The following KCNH5 variants were observed in gnomAD, a reference collection of about 807,000 sequenced individuals.
KCNH5 encodes voltage-gated delayed rectifier potassium channel KCNH5.
A neutral mutation model predicts 96.1 loss-of-function variants in KCNH5; 46 were observed. That is an observed-to-expected ratio of 0.48 (90% CI 0.38 to 0.61). The LOEUF is 0.61. KCNH5 is among the 20% of genes least tolerant of loss of function. The pLI is 0.00. For synonymous variants in KCNH5, 439 were observed against 449.8 expected (o/e 0.98, Z 0.30); for missense variants, 907 against 1,225.8 (o/e 0.74, Z 3.88).
Position 63,016,932 on chromosome 14 carries a change from A to G in KCNH5, c.96T>C (p.Asn32=), listed in dbSNP as rs746489794. Reference sequence around the variant, plus strand: ...CTACAGGCCAATCCACAATCTGGGCATTTCCCAGTAAGAAACTTGATTCTG... The same window carrying G: ...CTACAGGCCAATCCACAATCTGGGCGTTTCCCAGTAAGAAACTTGATTCTG... ...RSSESSFLLG[N]AQIVDWPVVY... is the part of the protein sequence containing the mutation. The change falls in exon 2 of 11, where the codon AAT becomes AAC. Residue 32 remains asparagine, a synonymous_variant. Transcript: ENST00000322893. 1 of 1,606,166 alleles carries G rather than the reference A, an allele frequency of 6.2e-7. No individual in the cohort carries two copies. The highest frequency in any genetic ancestry group is 1.7e-5 in the Admixed American group (1 of 58,974).
At position 62,796,854 on chromosome 14, in the gene KCNH5, G is replaced by A. The variant is rs531053873; in HGVS notation, c.1822+5475C>T. On this transcript the variant is annotated intron_variant, in intron 9 of 10. Coordinates refer to ENST00000322893, the MANE Select transcript of KCNH5 (RefSeq NM_139318.5). ...GGTGGGACAACTTGAAGCAAAGGCA[G>A]GAAGACTGGAAGCAGAGAGGGAGCT... 1.3e-4 allele frequency among the ~76,000 whole-genome samples: 20 copies of A among 152,304 alleles called. No individual in the cohort carries two copies. In the South Asian group the frequency reaches 4.1e-3, roughly 32 times the overall value.
intron 7 of KCNH5, among the ~76,000 whole-genome samples, chr14:62,893,104 T>C (rs908379442): frequency 6.6e-6 from 1 of 152,122 alleles, no homozygotes; most frequent in African/African-American, 2.4e-5. Context: ...GCAAAGAAAA[T>C]TGAAAACCTT....
Position 62,703,308 on chromosome 14 carries a change from C to T in KCNH5, c.*4200G>A, listed in dbSNP as rs963489912. The T allele has an allele frequency of 3.9e-5, 6 of 151,902 alleles. No individual in the cohort carries two copies. The highest frequency in any genetic ancestry group is 3.3e-4 in the Admixed American group (5 of 15,254). 9.4% of individuals were successfully genotyped at this position (151,902 alleles called of 1,614,324 possible). On this transcript the variant is annotated 3_prime_UTR_variant, in exon 11 of 11. Transcript: ENST00000322893. The stretch of plus-strand genomic sequence containing the variant: ...AATATTTAGATAAAAATCACATCAC[C>T]GTCAATCCCTGAAATCTCTTCTAAA...
At chr14:62,877,703 T>C (rs1320188277) in intron 7 of KCNH5, among the ~76,000 whole-genome samples, 7 of 151,632 alleles carry the variant, frequency 4.6e-5, no homozygotes, top group Admixed American at 4.6e-4. Context: ...CAACAGGTGC[T>C]GGAGAGGATG....
intron 7 of KCNH5, among the ~76,000 whole-genome samples, chr14:62,873,983 G>C (rs887403776): frequency 6.6e-6 from 1 of 152,064 alleles, no homozygotes; most frequent in Admixed American, 6.6e-5. Context: ...TAACTCTTAA[G>C]CATGCAGGAG....
intron 8 of KCNH5, among the ~76,000 whole-genome samples, chr14:62,812,985 G>A (rs1886903068): frequency 6.6e-6 from 1 of 151,940 alleles, no homozygotes; most frequent in South Asian, 2.1e-4. Flanking sequence ...CATTATAATT[G>A]GATATCAAGA....
intron 7 of KCNH5, among the ~76,000 whole-genome samples, chr14:62,894,618 T>C (rs1241692833): frequency 6.6e-6 from 1 of 152,224 alleles, no homozygotes; most frequent in Non-Finnish European, 1.5e-5. Flanking sequence ...CTGAGGTCAG[T>C]TGTCAATAAT....
chr14:62,838,971 G>T (rs1419687253), intron 8 of KCNH5, among the ~76,000 whole-genome samples: 1 of 151,736 alleles, frequency 6.6e-6, no homozygotes, highest in African/African-American at 2.4e-5. Context: ...TACTTTAGAA[G>T]AAATAAGCTA....
At chr14:62,953,588 A>G (rs1890046953) in intron 6 of KCNH5, among the ~76,000 whole-genome samples, 2 of 152,174 alleles carry the variant, frequency 1.3e-5, no homozygotes, top group South Asian at 4.1e-4. Context: ...TGACATCATT[A>G]TCCACCCAGT....
intron 8 of KCNH5, among the ~76,000 whole-genome samples, chr14:62,819,486 A>G (rs567108900): frequency 6.6e-6 from 1 of 152,288 alleles, no homozygotes; most frequent in East Asian, 1.9e-4. Flanking sequence ...GTAACTGCTT[A>G]TGGGAATGGG....
chr14:62,814,879 T>C (rs1238496581), intron 8 of KCNH5, among the ~76,000 whole-genome samples: 2 of 149,278 alleles, frequency 1.3e-5, no homozygotes, highest in African/African-American at 4.9e-5. Context: ...ATTGTAACAG[T>C]TGAACATGCA....
chr14:62,754,819 G>A (rs1885583821), intron 10 of KCNH5, among the ~76,000 whole-genome samples: 1 of 151,890 alleles, frequency 6.6e-6, no homozygotes, highest in African/African-American at 2.4e-5. Context: ...AGGTTGCAGT[G>A]AGCTGAAATT....
At chr14:62,768,825 T>C (rs757246227) in intron 10 of KCNH5, among the ~76,000 whole-genome samples, 5 of 152,202 alleles carry the variant, frequency 3.3e-5, no homozygotes, top group South Asian at 2.1e-4. Flanking sequence ...ACTTTGAAAC[T>C]TGTGAAACTG....
chr14:62,865,509 C>T, intron 7 of KCNH5, among the ~76,000 whole-genome samples: 1 of 151,944 alleles, frequency 6.6e-6, no homozygotes, highest in East Asian at 1.9e-4. Context: ...ATAAGTAAAC[C>T]AATAGAAATG....
intron 7 of KCNH5, among the ~76,000 whole-genome samples, chr14:62,924,691 T>TA (rs1241423354): frequency 6.6e-6 from 1 of 151,944 alleles, no homozygotes; most frequent in Non-Finnish European, 1.5e-5. Flanking sequence ...TGGAGGACAT[T>TA]ATGTTAAGTG....
At chr14:62,786,782 T>C (rs1055065424) in intron 9 of KCNH5, among the ~76,000 whole-genome samples, 6 of 152,338 alleles carry the variant, frequency 3.9e-5, no homozygotes, top group Admixed American at 1.3e-4. Flanking sequence ...ATATCTGTTA[T>C]GGAAATCTGT....
At chr14:62,904,898 T>C (rs780434338) in intron 7 of KCNH5, among the ~76,000 whole-genome samples, 117 of 152,266 alleles carry the variant, frequency 7.7e-4, no homozygotes, top group Non-Finnish European at 1.4e-3. Context: ...CTTTGCTTTT[T>C]AGATCAAAGG....
At chr14:62,852,623 T>C (rs957551088) in intron 7 of KCNH5, among the ~76,000 whole-genome samples, 5 of 152,164 alleles carry the variant, frequency 3.3e-5, no homozygotes, top group African/African-American at 4.8e-5. Flanking sequence ...TTTTCTTTTT[T>C]TCGTATGCAC....
chr14:62,744,613 A>G (rs1176335115), intron 10 of KCNH5, among the ~76,000 whole-genome samples: 3 of 152,218 alleles, frequency 2.0e-5, no homozygotes, highest in Non-Finnish European at 4.4e-5. Flanking sequence ...AGAACTGTTC[A>G]TATCTTGAGC....
Sources: allele counts gnomAD v4.1 joint callset (sites outside exome capture counted in the v4.1 genomes callset), GRCh38; gene constraint gnomAD v4.1.1; transcripts MANE v1.5; gene names NCBI Gene and HGNC (gene_info 2026-07-23, HGNC 2026-07-21).